The following DPEP1 variants were observed in gnomAD, a reference collection of about 807,000 sequenced individuals.
DPEP1 encodes beta-lactamase.
In DPEP1, 50 loss-of-function variants were observed where a neutral mutation model predicts 42.3. The ratio of observed to expected loss-of-function variants is 1.18; its 90% CI spans 0.94 to 1.50. DPEP1 has a LOEUF of 1.50. Ranked by LOEUF, DPEP1 falls within the 40% of genes most tolerant of loss-of-function variation. The pLI, the probability that DPEP1 is intolerant of heterozygous loss-of-function variation, is 0.00. For missense variants in DPEP1, 663 were observed against 553.0 expected, an observed-to-expected ratio of 1.20 and a Z score of -1.99; for synonymous variants, 297 against 234.0, an observed-to-expected ratio of 1.27 and a Z score of -2.46.
At chr16:89,630,588 A>AGCGGGGCTGGGGGAGCCAGGGCTGGGGGT (rs1567987214) in intron 2 of DPEP1, 74 bp downstream of exon 2, 7 of 93,428 alleles carry the variant, frequency 7.5e-5, no homozygotes, top group African/African-American at 3.1e-4. Flanking sequence ...GGGCTGGGGG[A>AGCGGGGCTGGGGGAGCCAGGGCTGGGGGT]GCCGGGGCTG....
At chr16:89,638,597 G>A (rs2059714189), downstream of DPEP1, 1 of 710,534 alleles carries the variant, frequency 1.4e-6, no homozygotes, top group Non-Finnish European at 1.8e-6. Context: ...CACTGCTTGA[G>A]CGTCTTTAGG....
intron 2 of DPEP1, among the ~76,000 whole-genome samples, chr16:89,631,839 A>C (rs1031215286): frequency 6.6e-6 from 1 of 152,178 alleles, no homozygotes; most frequent in South Asian, 2.1e-4. Flanking sequence ...CCTGGGCAAC[A>C]GAGTGAGACT....
intron 1 of DPEP1, among the ~76,000 whole-genome samples, chr16:89,628,808 A>AG (rs1389470223): frequency 2.0e-5 from 3 of 150,564 alleles, no homozygotes; most frequent in Non-Finnish European, 3.0e-5. Context: ...TTTGTGGGGG[A>AG]GGGGGGGCGG....
intron 1 of DPEP1, chr16:89,616,992 G>T (rs752836160): frequency 1.0e-4 from 24 of 239,932 alleles, no homozygotes; most frequent in Non-Finnish European, 2.0e-4. Context: ...AATGGGGCGG[G>T]AGGCTGGAGG....
In DPEP1 at chr16:89,638,402, T is replaced by G; in HGVS notation, c.*180T>G. ...GGGACAGTTCAGGACACACACACAG[T>G]AGGCCCGCAATAAAAGCAACACCCC... On this transcript the variant is annotated 3_prime_UTR_variant, in exon 11 of 11. Transcript: ENST00000690203. 7.4e-7 allele frequency: 1 copy of G among 1,356,894 alleles called. No individual in the cohort carries two copies. The highest frequency in any genetic ancestry group is 2.0e-5 in the South Asian group (1 of 49,052). 84.1% of individuals were successfully genotyped at this position (1,356,894 alleles called of 1,614,324 possible).
At chr16:89,637,068 C>T (rs182546424) in intron 6 of DPEP1, 133 bp downstream of exon 6, 2 of 1,525,608 alleles carry the variant, frequency 1.3e-6, no homozygotes, top group African/African-American at 1.4e-5. Context: ...GCCATCCCCC[C>T]AGGGTGGGTG....
chr16:89,638,584 A>G, downstream of DPEP1: 4 of 822,160 alleles, frequency 4.9e-6, no homozygotes, highest in Non-Finnish European at 6.1e-6. Context: ...GGCTTTGTAG[A>G]GACACTGCTT....
intron 1 of DPEP1, among the ~76,000 whole-genome samples, 172 bp downstream of exon 1, chr16:89,613,891 A>G (rs1236601176): frequency 6.7e-6 from 1 of 148,166 alleles, no homozygotes; most frequent in African/African-American, 2.5e-5. Flanking sequence ...TGTGTGCGGC[A>G]GGGGACGGGG....
chr16:89,620,185 C>T (rs1218423571), intron 1 of DPEP1, among the ~76,000 whole-genome samples: 1 of 152,056 alleles, frequency 6.6e-6, no homozygotes, highest in Non-Finnish European at 1.5e-5. Context: ...CAACCCATCG[C>T]ACTTACAGAT....
At position 89,638,195 on chromosome 16, in the gene DPEP1, C is replaced by T. The variant is rs2059710065; in HGVS notation, c.1209C>T (p.Pro403=). 3.1e-6 allele frequency: 5 copies of T among 1,587,720 alleles called. No individual in the cohort carries two copies. Among genetic ancestry groups the T allele is most frequent in the Non-Finnish European group, 4.3e-6 (5 of 1,165,298 alleles). Residue 403 remains proline (P), a synonymous_variant, in exon 11 of 11, where the codon CCC becomes CCT. Transcript: ENST00000690203. ...GGCTCCTGCTGGCCTCCCTCGCTCC[C>T]CTGGTCCTCTGTCTGTCTCTCCTGT... is the stretch of plus-strand genomic sequence containing the variant. ...HWGLLLASLA[P]LVLCLSLL
At chr16:89,634,755 C>T (rs866943592) in intron 2 of DPEP1, among the ~76,000 whole-genome samples, 34 of 74,156 alleles carry the variant, frequency 4.6e-4, no homozygotes, top group Non-Finnish European at 8.7e-4. Context: ...TTCTCCTTTC[C>T]CTTCCTTCTC....
chr16:89,635,410 G>A (rs1417416057), intron 2 of DPEP1, among the ~76,000 whole-genome samples: 1 of 152,208 alleles, frequency 6.6e-6, no homozygotes, highest in Non-Finnish European at 1.5e-5. Flanking sequence ...TCGACACCCT[G>A]CTCCCCAGGA....
downstream of DPEP1, among the ~76,000 whole-genome samples, chr16:89,638,974 GCACA>G (rs1292647919): frequency 4.8e-5 from 1 of 21,000 alleles, no homozygotes; most frequent in Non-Finnish European, 8.1e-5. Context: ...CCGCACCCCT[GCACA>G]CACACACCCC....
At chr16:89,621,568 A>T (rs984579910) in intron 1 of DPEP1, among the ~76,000 whole-genome samples, 2 of 152,086 alleles carry the variant, frequency 1.3e-5, no homozygotes, top group Admixed American at 1.3e-4. Flanking sequence ...CAGGCTCCCG[A>T]TGTTCCCTTC....
chr16:89,621,029 G>A (rs372463214), intron 1 of DPEP1, among the ~76,000 whole-genome samples: 3 of 152,044 alleles, frequency 2.0e-5, no homozygotes, highest in African/African-American at 4.8e-5. Flanking sequence ...GTGCCATCAC[G>A]GGCAGTGAAG....
chr16:89,616,154 C>T (rs2059377633), intron 1 of DPEP1, among the ~76,000 whole-genome samples: 2 of 128,808 alleles, frequency 1.6e-5, no homozygotes, highest in African/African-American at 5.9e-5. Context: ...GTCCGTGGGG[C>T]TTCGGGGGCT....
chr16:89,613,903 G>T (rs35694867), intron 1 of DPEP1, among the ~76,000 whole-genome samples, 184 bp downstream of exon 1: 5 of 146,406 alleles, frequency 3.4e-5, no homozygotes, highest in East Asian at 4.1e-4. Context: ...GGGACGGGGC[G>T]GCTTCCTGGG....
In DPEP1 at chr16:89,636,956, C is replaced by T. The variant is rs369138476; in HGVS notation, c.591+21C>T. 12 of 1,611,174 alleles carry T rather than the reference C, an allele frequency of 7.4e-6. No individual in the cohort carries two copies. In the African/African-American group the frequency reaches 1.1e-4, roughly 14 times the overall value. On this transcript the variant is annotated intron_variant, in intron 6 of 10. Transcript: ENST00000690203. ...GGCAGGTGAGTGGGGTGGGAGCGGC[C>T]AGTCACCCCCGAGGAGAAGGCAGAG...
intron 1 of DPEP1, among the ~76,000 whole-genome samples, chr16:89,629,121 C>G (rs950042492): frequency 5.9e-5 from 9 of 152,132 alleles, no homozygotes; most frequent in African/African-American, 2.2e-4. Context: ...ATGACTGTGC[C>G]CAGCTATTTT....
Sources: allele counts gnomAD v4.1 joint callset (sites outside exome capture counted in the v4.1 genomes callset), GRCh38; gene constraint gnomAD v4.1.1; transcripts MANE v1.5; gene names NCBI Gene and HGNC (gene_info 2026-07-23, HGNC 2026-07-21).